MYH14: variants seen among roughly 807,000 people sequenced by gnomAD.
MYH14 encodes myosin heavy chain 14.
A neutral mutation model predicts 255.5 loss-of-function variants in MYH14; 123 were observed. The observed-to-expected ratio is 0.48, with a 90% CI of 0.42 to 0.56. MYH14 has a LOEUF of 0.56. MYH14 is among the 20% of genes least tolerant of loss of function. The pLI is 0.00. For synonymous variants in MYH14, 1,095 were observed against 1,161.2 expected, an observed-to-expected ratio of 0.94 and a Z score of 1.16; for missense variants, 2,423 against 2,802.3, an observed-to-expected ratio of 0.86 and a Z score of 3.06.
chr19:50,279,501 C>T (rs146718688), intron 30 of MYH14, among the ~76,000 whole-genome samples: 57 of 152,130 alleles, frequency 3.7e-4, no homozygotes, highest in South Asian at 1.9e-3. Context: ...GGTGTGGTGG[C>T]GCATGCCTGT....
At chr19:50,290,205 C>T (rs1055503339) in intron 35 of MYH14, among the ~76,000 whole-genome samples, 1 of 152,048 alleles carries the variant, frequency 6.6e-6, no homozygotes, top group African/African-American at 2.4e-5. Flanking sequence ...CTCAGCACCC[C>T]CTGCTGACTC....
chr19:50,303,390 C>G (rs756483172), intron 40 of MYH14, among the ~76,000 whole-genome samples: 1 of 152,160 alleles, frequency 6.6e-6, no homozygotes, highest in Non-Finnish European at 1.5e-5. Flanking sequence ...CAGGATTGTT[C>G]ATATGACAGA....
intron 39 of MYH14, among the ~76,000 whole-genome samples, chr19:50,294,540 T>G (rs2036197970): frequency 6.6e-6 from 1 of 151,332 alleles, no homozygotes; most frequent in Admixed American, 6.6e-5. Context: ...GTTCAAGCGA[T>G]TCTCCTGATT....
chr19:50,287,191 A>G (rs529021573), intron 34 of MYH14, among the ~76,000 whole-genome samples: 5 of 152,316 alleles, frequency 3.3e-5, no homozygotes, highest in African/African-American at 1.2e-4. Flanking sequence ...CGTGAAGAGA[A>G]TCTCCACCAA....
At chr19:50,227,982 C>T (rs2033190265) in intron 8 of MYH14, among the ~76,000 whole-genome samples, 1 of 152,136 alleles carries the variant, frequency 6.6e-6, no homozygotes, top group South Asian at 2.1e-4. Flanking sequence ...CTATTATTAG[C>T]AATTAATGAT....
intron 15 of MYH14, among the ~76,000 whole-genome samples, chr19:50,251,321 G>A (rs1238692035): frequency 6.6e-6 from 1 of 152,082 alleles, no homozygotes; most frequent in Admixed American, 6.6e-5. Flanking sequence ...AAGAGCCACA[G>A]ATAATACATA....
chr19:50,229,728 A>G (rs1175995517), intron 8 of MYH14, among the ~76,000 whole-genome samples: 1 of 152,120 alleles, frequency 6.6e-6, no homozygotes, highest in Non-Finnish European at 1.5e-5. Flanking sequence ...TGGGAGGGAG[A>G]GCATGCAGAG....
At chr19:50,298,749 TAAA>T (rs771671196) in intron 39 of MYH14, among the ~76,000 whole-genome samples, 2 of 117,862 alleles carry the variant, frequency 1.7e-5, no homozygotes, top group Non-Finnish European at 3.6e-5. Context: ...AGACTCCATC[TAAA>T]AAAAAAAAAA....
intron 24 of MYH14, among the ~76,000 whole-genome samples, chr19:50,268,700 C>T (rs374053502): frequency 2.0e-3 from 307 of 151,172 alleles, no homozygotes; most frequent in African/African-American, 6.6e-3. Flanking sequence ...TGGATCCAGG[C>T]GCCTAAGTGA....
chr19:50,226,885 C>T lies in MYH14; in HGVS notation c.811-18C>T. On this transcript the variant is annotated intron_variant, in intron 7 of 42. Coordinates refer to ENST00000642316, the MANE Select transcript of MYH14 (RefSeq NM_001145809.2). ...AGGGGACCCTCTGCTGAAGCCCACC[C>T]ACTTTGGTCTCTCCCAGGGCAAATT... 1 of 1,613,484 alleles carries T rather than the reference C, an allele frequency of 6.2e-7. No individual in the cohort carries two copies. The highest frequency in any genetic ancestry group is 8.5e-7 in the Non-Finnish European group (1 of 1,179,566).
At chr19:50,244,454 A>G in intron 11 of MYH14, 117 bp downstream of exon 11, 1 of 717,496 alleles carries the variant, frequency 1.4e-6, no homozygotes, top group East Asian at 2.8e-5. Flanking sequence ...CCTGTCTCCA[A>G]CCCAGGATCA....
intron 36 of MYH14, among the ~76,000 whole-genome samples, 188 bp from the exon 37 acceptor site, chr19:50,292,073 G>C (rs990953040): frequency 8.5e-5 from 13 of 152,198 alleles, no homozygotes; most frequent in Non-Finnish European, 1.0e-4. Flanking sequence ...GAGGACCAGA[G>C]TGGGAGAGGC....
intron 39 of MYH14, among the ~76,000 whole-genome samples, chr19:50,294,312 C>T (rs555402150): frequency 1.4e-4 from 21 of 151,330 alleles, no homozygotes; most frequent in Middle Eastern, 3.5e-3. Context: ...GAGAAGGCTT[C>T]CTGGTGGAGG....
Position 50,299,805 on chromosome 19 carries a change from T to G in MYH14, c.5470-1856T>G, listed in dbSNP as rs545344372. Among the ~76,000 whole-genome samples the G allele has an allele frequency of 2.9e-3, 441 of 150,158 alleles. 1 individual carries two copies. The highest frequency in any genetic ancestry group is 0.01 in the African/African-American group (425 of 40,800). ...ACTAAAAATACAAAAATTAGCCAGGTGTGGTGGTGCGTGCCTGTAATCCCA... is the reference window on the plus strand; with the variant it reads ...ACTAAAAATACAAAAATTAGCCAGGGGTGGTGGTGCGTGCCTGTAATCCCA... On this transcript the variant is annotated intron_variant, in intron 39 of 42. Coordinates refer to ENST00000642316, the MANE Select transcript of MYH14 (RefSeq NM_001145809.2).
At chr19:50,297,279 C>T (rs990736074) in intron 39 of MYH14, among the ~76,000 whole-genome samples, 10 of 151,930 alleles carry the variant, frequency 6.6e-5, no homozygotes, top group African/African-American at 1.9e-4. Flanking sequence ...CCACCGCGCC[C>T]GGCCAGGAAT....
chr19:50,252,792 G>A lies in MYH14; in HGVS notation c.1945+39G>A. 7.0e-7 allele frequency: 1 copy of A among 1,423,726 alleles called. No homozygotes were observed. The highest frequency in any genetic ancestry group is 9.7e-7 in the Non-Finnish European group (1 of 1,033,672). 88.2% of individuals were successfully genotyped at this position (1,423,726 alleles called of 1,614,324 possible). A position where few individuals can be genotyped will look rare whatever the true frequency, so the allele number is the denominator to read the frequency against. On this transcript the variant is annotated intron_variant, in intron 16 of 42. Transcript: ENST00000642316. This position sits in a 1 kb window ranked among gnomAD's most constrained non-coding sequence, Gnocchi z 4.2. ...TCCCCCACCCCGGCTCTAGGGGTCT[G>A]TGCGGCCATTCTCCAAATCCACAGC...
At position 50,293,483 on chromosome 19, in the gene MYH14, C is replaced by T. The variant is rs2036157399; in HGVS notation, c.5346-81C>T. On this transcript the variant is annotated intron_variant, in intron 38 of 42. Transcript: ENST00000642316. The surrounding 1 kb of genome is among the most constrained non-coding windows in gnomAD (Gnocchi z 4.1). ...GGCTGGGGAGATGCGTGGGGCTAAC[C>T]ACAGGGTCCTGTAGTGTGAGGCAAG... 3 of 1,577,274 alleles carry T rather than the reference C, an allele frequency of 1.9e-6. No individual in the cohort carries two copies. The highest frequency in any genetic ancestry group is 3.6e-5 in the Admixed American group (2 of 55,374).
At chr19:50,239,831 G>C (rs1332926982) in intron 10 of MYH14, among the ~76,000 whole-genome samples, 1 of 152,180 alleles carries the variant, frequency 6.6e-6, no homozygotes, top group Non-Finnish European at 1.5e-5. Flanking sequence ...TTACAGGCGT[G>C]AGCCACCGCG....
intron 3 of MYH14, among the ~76,000 whole-genome samples, chr19:50,218,273 C>T (rs1432707458): frequency 6.6e-6 from 1 of 152,082 alleles, no homozygotes; most frequent in Non-Finnish European, 1.5e-5. Flanking sequence ...AGCCACCATG[C>T]CTGGCCTCTT....
Sources: allele counts gnomAD v4.1 joint callset (sites outside exome capture counted in the v4.1 genomes callset), GRCh38; gene constraint gnomAD v4.1.1; non-coding constraint Gnocchi (gnomAD v3.1); transcripts MANE v1.5; gene names NCBI Gene and HGNC (gene_info 2026-07-23, HGNC 2026-07-21).